Variants in FAM20B observed in about 807,000 individuals in gnomAD.
The protein encoded by FAM20B is FAM20B glycosaminoglycan xylosylkinase, also known as glycosaminoglycan xylosylkinase.
A neutral mutation model predicts 43.8 loss-of-function variants in FAM20B; 23 were observed. That is an observed-to-expected ratio of 0.53 (90% CI 0.38 to 0.74). FAM20B has a LOEUF of 0.74. FAM20B is among the 30% of genes least tolerant of loss of function. The pLI, the probability that FAM20B is intolerant of heterozygous loss-of-function variation, is 0.00. For synonymous variants in FAM20B, 178 were observed against 192.4 expected (o/e 0.93, Z 0.62); for missense variants, 440 against 510.5 (o/e 0.86, Z 1.33).
At chr1:179,028,920 T>C (rs917007962) in intron 1 of FAM20B, among the ~76,000 whole-genome samples, 23 of 152,132 alleles carry the variant, frequency 1.5e-4, no homozygotes, top group African/African-American at 5.6e-4. Flanking sequence ...GCGTAGAAAA[T>C]GTGTTTCGGA....
At chr1:179,066,755 A>C in intron 6 of FAM20B, 45 bp from the exon 7 acceptor site, 1 of 1,305,186 alleles carries the variant, frequency 7.7e-7, no homozygotes, top group East Asian at 2.3e-5. Flanking sequence ...CTAAGAAGAG[A>C]ACAGTACTTC....
intron 1 of FAM20B, among the ~76,000 whole-genome samples, chr1:179,028,950 G>T (rs1347648049): frequency 6.6e-6 from 1 of 152,202 alleles, no homozygotes; most frequent in Non-Finnish European, 1.5e-5. Flanking sequence ...AAAATATTCT[G>T]TAGAGGTGTG....
At chr1:179,071,245 G>A (rs1275007398) in intron 7 of FAM20B, among the ~76,000 whole-genome samples, 2 of 151,370 alleles carry the variant, frequency 1.3e-5, no homozygotes, top group East Asian at 2.0e-4. Context: ...GCAGTGAGCC[G>A]AGATCACACC....
At chr1:179,063,808 T>G (rs1354010211) in intron 4 of FAM20B, 119 bp from the exon 5 acceptor site, 2 of 671,462 alleles carry the variant, frequency 3.0e-6, no homozygotes, top group African/African-American at 1.8e-5. Flanking sequence ...TATAGTAAAC[T>G]CAGGGTCTTT....
intron 4 of FAM20B, among the ~76,000 whole-genome samples, chr1:179,055,477 CA>C (rs1651176430): frequency 6.6e-6 from 1 of 152,130 alleles, no homozygotes. Flanking sequence ...ACAGATTCAT[CA>C]TTCAGAATTT....
rs546072881 is a variant in FAM20B at position 179,068,144 on chromosome 1, G to C, written c.998+1285G>C. ...TGGCTACACAGAAAAACAAGTTCAA[G>C]AGCACCATTTAATACTGGTCAGCTC... On this transcript the variant is annotated intron_variant, in intron 7 of 7. Coordinates refer to ENST00000263733, the MANE Select transcript of FAM20B (RefSeq NM_014864.4). Among the ~76,000 whole-genome samples, 10 of 152,254 alleles carry C rather than the reference G, an allele frequency of 6.6e-5. No individual in the cohort carries two copies. In the South Asian group the frequency reaches 2.1e-3, roughly 32 times the overall value.
intron 1 of FAM20B, among the ~76,000 whole-genome samples, chr1:179,039,744 T>TTA (rs1650402838): frequency 6.6e-6 from 1 of 150,430 alleles, no homozygotes; most frequent in Non-Finnish European, 1.5e-5. Context: ...TATTTATTAT[T>TTA]TTTTTTTATT....
chr1:179,043,777 C>A lies in FAM20B; in HGVS notation c.-71C>A. The A allele has an allele frequency of 7.0e-7, 1 of 1,437,100 alleles. No individual in the cohort carries two copies. The highest frequency in any genetic ancestry group is 9.5e-7 in the Non-Finnish European group (1 of 1,055,358). The allele number at this position is 1,437,100 out of a possible 1,614,324, so 89.0% of individuals were successfully genotyped here. ...TGTGTATAATCATGGAATCTCCTTG[C>A]TAACCATCACCACCAGCTCTCCTTA... On this transcript the variant is annotated 5_prime_UTR_variant, in exon 2 of 8. An upstream open reading frame in the 5' UTR gains an earlier in-frame stop. Transcript: ENST00000263733.
chr1:179,064,134 C>G (rs1196656183), intron 5 of FAM20B, 36 bp downstream of exon 5: 1 of 1,561,540 alleles, frequency 6.4e-7, no homozygotes, highest in South Asian at 1.1e-5. Context: ...TAATTCTCCC[C>G]TGTGCCTAGC....
chr1:179,036,930 G>C (rs1490158761), intron 1 of FAM20B, among the ~76,000 whole-genome samples: 1 of 152,176 alleles, frequency 6.6e-6, no homozygotes, highest in Non-Finnish European at 1.5e-5. Context: ...GAAATGTTAA[G>C]AGAAAGAGGA....
intron 3 of FAM20B, among the ~76,000 whole-genome samples, chr1:179,052,683 T>C (rs532826268): frequency 3.2e-4 from 48 of 152,348 alleles, no homozygotes; most frequent in African/African-American, 1.0e-3. Flanking sequence ...TCTATTGATA[T>C]GGAAAAGCTT....
rs933041605 is a variant in FAM20B, at chr1:179,073,239, A to G, written c.*1095A>G. 2 of 152,218 alleles carry G rather than the reference A, an allele frequency of 1.3e-5. No individual in the cohort carries two copies. Among genetic ancestry groups the G allele is most frequent in the African/African-American group, 4.8e-5 (2 of 41,446 alleles). The allele number at this position is 152,218 out of a possible 1,614,324, so 9.4% of individuals were successfully genotyped here. ...GAGAGTGTATACCTTACTCTCTCAG[A>G]TAAGTGGCTGGACTTATCTTGTGAT... is the stretch of plus-strand genomic sequence containing the variant. On this transcript the variant is annotated 3_prime_UTR_variant, in exon 8 of 8. Coordinates refer to ENST00000263733, the MANE Select transcript of FAM20B (RefSeq NM_014864.4).
At chr1:179,042,501 G>C (rs891528357) in intron 1 of FAM20B, among the ~76,000 whole-genome samples, 2 of 152,192 alleles carry the variant, frequency 1.3e-5, no homozygotes, top group African/African-American at 4.8e-5. Flanking sequence ...GGCTCGGGGA[G>C]ACCCTAGGTC....
chr1:179,049,343 C>G (rs1210588469), intron 2 of FAM20B, among the ~76,000 whole-genome samples: 2 of 152,120 alleles, frequency 1.3e-5, no homozygotes, highest in Non-Finnish European at 2.9e-5. Context: ...GACAGCCACA[C>G]CAACCTCCCA....
the FAM20B span, among the ~76,000 whole-genome samples, chr1:179,017,891 T>C: frequency 6.6e-6 from 1 of 152,228 alleles, no homozygotes; most frequent in Non-Finnish European, 1.5e-5. Flanking sequence ...AATAGCTTTA[T>C]TTCATATATC....
At chr1:179,071,788 G>A (rs943990139) in intron 7 of FAM20B, 125 bp from the exon 8 acceptor site, 23 of 695,508 alleles carry the variant, frequency 3.3e-5, no homozygotes, top group Admixed American at 5.1e-5. Context: ...TAATTCTAAA[G>A]CAAAAATTAT....
At chr1:179,025,739 T>C (rs1371644349), upstream of FAM20B, 1 of 128,470 alleles carries the variant, frequency 7.8e-6, no homozygotes, top group Non-Finnish European at 1.7e-5. Flanking sequence ...GGGCCCGGTA[T>C]GGAAGAGGTT....
At chr1:179,070,764 C>T (rs1651889217) in intron 7 of FAM20B, among the ~76,000 whole-genome samples, 1 of 151,552 alleles carries the variant, frequency 6.6e-6, no homozygotes, top group South Asian at 2.1e-4. Flanking sequence ...ACCTGAGGGC[C>T]CACCTCGGCC....
At chr1:179,034,447 C>G (rs757182544) in intron 1 of FAM20B, among the ~76,000 whole-genome samples, 1 of 151,976 alleles carries the variant, frequency 6.6e-6, no homozygotes, top group East Asian at 1.9e-4. Context: ...GTTACCCAGG[C>G]TGGTCTCGAA....
Sources: allele counts gnomAD v4.1 joint callset (sites outside exome capture counted in the v4.1 genomes callset), GRCh38; gene constraint gnomAD v4.1.1; transcripts MANE v1.5; gene names NCBI Gene and HGNC (gene_info 2026-07-23, HGNC 2026-07-21).